MAX: variants seen among roughly 807,000 people sequenced by gnomAD.
MAX encodes the protein protein max.
MAX carries 3 observed loss-of-function variants against 22.3 expected under a neutral mutation model. The observed-to-expected ratio is 0.13, with a 90% CI of 0.06 to 0.35. MAX has a LOEUF of 0.35. MAX is among the 10% of genes least tolerant of loss of function. MAX has a pLI of 1.00. For missense variants in MAX, 119 were observed against 209.4 expected (o/e 0.57, Z 2.66); for synonymous variants, 72 against 77.7 (o/e 0.93, Z 0.39).
At chr14:65,052,029 T>G (rs1345506340) in intron 3 of MAX, among the ~76,000 whole-genome samples, 1 of 152,108 alleles carries the variant, frequency 6.6e-6, no homozygotes, top group Non-Finnish European at 1.5e-5. Flanking sequence ...TCTCCTGACC[T>G]CGTGATCAAC....
intron 3 of MAX, among the ~76,000 whole-genome samples, chr14:65,059,296 A>T (rs2062809723): frequency 6.6e-6 from 1 of 150,856 alleles, no homozygotes; most frequent in African/African-American, 2.4e-5. Flanking sequence ...CTGGGATTAT[A>T]GGTGTGAGCC....
chr14:65,040,987 G>A, intron 3 of MAX: 2 of 1,582,862 alleles, frequency 1.3e-6, no homozygotes, highest in Non-Finnish European at 1.7e-6. Flanking sequence ...ACTCAGACAT[G>A]CAGGCTTCAG....
chr14:65,057,353 C>T (rs2062759067), intron 3 of MAX, among the ~76,000 whole-genome samples: 1 of 152,108 alleles, frequency 6.6e-6, no homozygotes, highest in African/African-American at 2.4e-5. Context: ...CGCTTGAGCC[C>T]AGGTAGTCAA....
chr14:65,052,118 CAT>C (rs770418565), intron 3 of MAX, among the ~76,000 whole-genome samples: 1 of 152,050 alleles, frequency 6.6e-6, no homozygotes, highest in Non-Finnish European at 1.5e-5. Context: ...TATATACTGA[CAT>C]ATATATAAGA....
chr14:65,076,810 T>G lies in MAX; in HGVS notation c.296-147A>C. On this transcript the variant is annotated intron_variant, in intron 4 of 4. Coordinates refer to ENST00000358664, the MANE Select transcript of MAX (RefSeq NM_002382.5). This position sits in a 1 kb window ranked among gnomAD's most constrained non-coding sequence, Gnocchi z 6.6. ...ATGCTCAGAAGTAGCTCCCTTCGGG[T>G]GGCTGTTCACTCACACACTTCATTT... The G allele has an allele frequency of 5.8e-6, 5 of 866,474 alleles. No homozygotes were observed. The highest frequency in any genetic ancestry group is 2.8e-4 in the Middle Eastern group (1 of 3,542). The allele number at this position is 866,474 out of a possible 1,614,324, so 53.7% of individuals were successfully genotyped here. A position where few individuals can be genotyped will look rare whatever the true frequency, so the allele number is the denominator to read the frequency against.
At chr14:65,037,520 G>C (rs1312243816) in intron 3 of MAX, among the ~76,000 whole-genome samples, 1 of 131,592 alleles carries the variant, frequency 7.6e-6, no homozygotes, top group African/African-American at 2.8e-5. Flanking sequence ...CTGTTGCCTC[G>C]ACTTTCCAGG....
At chr14:65,071,530 T>C (rs1487121079), downstream of MAX, among the ~76,000 whole-genome samples, 1 of 152,236 alleles carries the variant, frequency 6.6e-6, no homozygotes, top group Admixed American at 6.5e-5. The surrounding 1 kb of genome is among the most constrained non-coding windows in gnomAD (Gnocchi z 4.2). Context: ...ACAGTATTTA[T>C]TGAGTATTAA....
At chr14:65,058,218 C>T (rs2062783501) in intron 3 of MAX, among the ~76,000 whole-genome samples, 1 of 147,924 alleles carries the variant, frequency 6.8e-6, no homozygotes, top group African/African-American at 2.5e-5. Flanking sequence ...TAATGTCTTT[C>T]AGTGTTTTTT....
At chr14:65,051,371 A>G (rs2062605218) in intron 3 of MAX, among the ~76,000 whole-genome samples, 1 of 152,150 alleles carries the variant, frequency 6.6e-6, no homozygotes, top group Admixed American at 6.5e-5. Flanking sequence ...GTACTTTGGG[A>G]GGCCAAAAGA....
chr14:65,040,096 G>C (rs1299385919), intron 3 of MAX, among the ~76,000 whole-genome samples: 1 of 152,086 alleles, frequency 6.6e-6, no homozygotes, highest in African/African-American at 2.4e-5. Flanking sequence ...AGGCTGAGGT[G>C]GGAGGATTGC....
chr14:65,036,032 T>A (rs936510858), intron 3 of MAX, among the ~76,000 whole-genome samples: 1 of 152,182 alleles, frequency 6.6e-6, no homozygotes, highest in South Asian at 2.1e-4. Context: ...AGAGTCTCAC[T>A]GTGTTGCCCA....
intron 3 of MAX, among the ~76,000 whole-genome samples, chr14:65,086,848 T>C (rs1170449084): frequency 6.6e-6 from 1 of 151,984 alleles, no homozygotes; most frequent in Admixed American, 6.5e-5. Context: ...GGAAAATGTC[T>C]CCAGGGCATG....
rs1054774792 is a variant in MAX, at chr14:65,093,991, G to C, written c.64-176C>G. On this transcript the variant is annotated intron_variant, in intron 2 of 4. Coordinates refer to ENST00000358664, the MANE Select transcript of MAX (RefSeq NM_002382.5). This position sits in a 1 kb window ranked among gnomAD's most constrained non-coding sequence, Gnocchi z 4.4. ...CCAGAATTAGGCTCTGCTAAAGGGG[G>C]AGAAAGGGGTGAGCAACGCTTGCGA... The C allele has an allele frequency of 1.5e-6, 1 of 666,568 alleles. No individual in the cohort carries two copies. The highest frequency in any genetic ancestry group is 1.8e-5 in the African/African-American group (1 of 56,222). The allele number at this position is 666,568 out of a possible 1,614,324, so 41.3% of individuals were successfully genotyped here.
intron 3 of MAX, among the ~76,000 whole-genome samples, chr14:65,086,736 T>C (rs1436515133): frequency 6.6e-6 from 1 of 152,142 alleles, no homozygotes; most frequent in East Asian, 1.9e-4. Flanking sequence ...AGCCTGACAA[T>C]GTGATAGAAA....
At chr14:65,052,064 G>C (rs917577984) in intron 3 of MAX, among the ~76,000 whole-genome samples, 1 of 151,838 alleles carries the variant, frequency 6.6e-6, no homozygotes, top group Non-Finnish European at 1.5e-5. Context: ...CAAAGTGCTG[G>C]GATTACAGGC....
At position 65,088,653 on chromosome 14, in the gene MAX, G is replaced by A; in HGVS notation, c.171+5055C>T. Among the ~76,000 whole-genome samples the A allele has an allele frequency of 6.6e-6, 1 of 152,232 alleles. No homozygotes were observed. Among genetic ancestry groups the A allele is most frequent in the East Asian group, 1.9e-4 (1 of 5,208 alleles). On this transcript the variant is annotated intron_variant, in intron 3 of 4. Coordinates refer to ENST00000358664, the MANE Select transcript of MAX (RefSeq NM_002382.5). This position sits in a 1 kb window ranked among gnomAD's most constrained non-coding sequence, Gnocchi z 5.2. ...AAATAATGTGGCCAGGTTGATGGGG[G>A]ATTCCTCCCCTCAGTTAATAAATAT...
upstream of MAX, chr14:65,102,666 A>G (rs1416461979): frequency 1.1e-6 from 1 of 877,508 alleles, no homozygotes; most frequent in South Asian, 5.0e-5. Flanking sequence ...CCCGGAAGAA[A>G]CCGCATCCAG....
chr14:65,059,327 T>C lies in MAX; in HGVS notation c.171+34381A>G, dbSNP rs926070414. Among the ~76,000 whole-genome samples the C allele has an allele frequency of 2.6e-5, 4 of 151,812 alleles. No homozygotes were observed. In the East Asian group the frequency reaches 7.7e-4, roughly 29 times the overall value. On this transcript the variant is annotated intron_variant, in intron 3 of 3. Coordinates refer to the MAX transcript ENST00000341653. ...GAGCCATTGTACCTGGCCCCCGCAC[T>C]AGCCCCTTTTTTTTTTTCAGTCCTT...
At chr14:65,013,655 C>T (rs1370772517) in intron 3 of MAX, among the ~76,000 whole-genome samples, 2 of 152,204 alleles carry the variant, frequency 1.3e-5, no homozygotes, top group Non-Finnish European at 2.9e-5. Context: ...TCAAGCGATT[C>T]TCTTGCCTCA....
Sources: allele counts gnomAD v4.1 joint callset (sites outside exome capture counted in the v4.1 genomes callset), GRCh38; gene constraint gnomAD v4.1.1; non-coding constraint Gnocchi (gnomAD v3.1); transcripts MANE v1.5; gene names NCBI Gene and HGNC (gene_info 2026-07-23, HGNC 2026-07-21).